ADA: variants seen among roughly 807,000 people sequenced by gnomAD.
The protein encoded by ADA is adenosine aminohydrolase.
A neutral mutation model predicts 49.0 loss-of-function variants in ADA; 45 were observed. That is an observed-to-expected ratio of 0.92 (90% CI 0.72 to 1.18). The LOEUF (loss-of-function observed/expected upper bound fraction) is 1.18, where lower values mean the gene tolerates loss of function less well. Among genes scored for constraint, ADA ranks in the 50% most tolerant of loss-of-function variants. The probability of loss-of-function intolerance (pLI) is 0.00; values close to 1 mark genes in which losing one functional copy is unlikely to be tolerated. For synonymous variants in ADA, 173 were observed against 184.2 expected (o/e 0.94, Z 0.49); for missense variants, 445 against 472.5 (o/e 0.94, Z 0.54).
In ADA at chr20:44,623,076, C is replaced by A. The variant is rs758254007; in HGVS notation, c.609G>T (p.Glu203Asp). The A allele has an allele frequency of 6.2e-7, 1 of 1,614,096 alleles. No individual in the cohort carries two copies. Among genetic ancestry groups the A allele is most frequent in the South Asian group, 1.1e-5 (1 of 91,078 alleles). ...TACGGTGAATGCCGCTCTTCACAGCCTCCTGGAAGGGGGAGAGCCAGGTCA... is the reference window on the plus strand; with the variant it reads ...TACGGTGAATGCCGCTCTTCACAGCATCCTGGAAGGGGGAGAGCCAGGTCA... ...LLPGHVQAYQ[E>D]AVKSGIHRTV... Residue 203 changes from glutamate (E) to aspartate (D), a missense_variant and splice_region_variant, in exon 7 of 12, where the codon GAG becomes GAT. By Grantham distance (45) the Glu-to-Asp change is conservative (BLOSUM62 2). Coordinates refer to ENST00000372874, the MANE Select transcript of ADA (RefSeq NM_000022.4).
intron 1 of ADA, among the ~76,000 whole-genome samples, chr20:44,643,965 AGT>A (rs1428500304): frequency 6.6e-6 from 1 of 151,644 alleles, no homozygotes; most frequent in Non-Finnish European, 1.5e-5. Flanking sequence ...AAGGTCACTC[AGT>A]GTGTCGGTGG....
chr20:44,634,156 T>C (rs1196964253), intron 2 of ADA, among the ~76,000 whole-genome samples: 1 of 152,170 alleles, frequency 6.6e-6, no homozygotes, highest in African/African-American at 2.4e-5. Context: ...TGATGAGCCC[T>C]CCGTGACCCC....
rs1483357783 is a variant in ADA at position 44,629,124 on chromosome 20, C to T, written c.141G>A (p.Leu47=). 2.5e-6 allele frequency: 4 copies of T among 1,614,194 alleles called. No individual in the cohort carries two copies. Among genetic ancestry groups the T allele is most frequent in the African/African-American group, 1.3e-5 (1 of 75,048 alleles). The change falls in exon 3 of 12, where the codon CTG becomes CTA. Residue 47 remains leucine, a synonymous_variant. Coordinates refer to ENST00000372874, the MANE Select transcript of ADA (RefSeq NM_000022.4). ...GCGGCTTGTCCATGCCAATGACGTT[C>T]AGCAGCCCCTCTGCTGTGTTAGCTG... ...ALPANTAEGL[L]NVIGMDKPLT...
At chr20:44,626,886 T>G (rs79910820) in intron 3 of ADA, among the ~76,000 whole-genome samples, 1 of 152,134 alleles carries the variant, frequency 6.6e-6, no homozygotes, top group African/African-American at 2.4e-5. Context: ...ACCCAGCAGT[T>G]GGGGCAATCT....
In ADA at chr20:44,629,167, C is replaced by T. The variant is rs773388108; in HGVS notation, c.98G>A (p.Arg33Lys). Reference sequence around the variant, plus strand: ...GTTAGCTGGGAGGGCGATCCCTCTCCTCCTGGAAACAAAACAGTGAGTGGT... The same window carrying T: ...GTTAGCTGGGAGGGCGATCCCTCTCTTCCTGGAAACAAAACAGTGAGTGGT... ...KPETILYYGR[R>K]RGIALPANTA... Residue 33 changes from arginine (R) to lysine (K), a missense_variant and splice_region_variant, in exon 3 of 12, where the codon AGG (arginine) becomes AAG (lysine). Arg to Lys is a conservative substitution (Grantham distance 26). Coordinates refer to ENST00000372874, the MANE Select transcript of ADA (RefSeq NM_000022.4). The T allele has an allele frequency of 1.2e-5, 19 of 1,614,204 alleles. No individual in the cohort carries two copies. The South Asian group carries it at 2.0e-4, about 17-fold the overall frequency.
chr20:44,641,276 A>C (rs2065531321), intron 1 of ADA, among the ~76,000 whole-genome samples: 1 of 152,044 alleles, frequency 6.6e-6, no homozygotes, highest in African/African-American at 2.4e-5. Context: ...CAGGTGGAGG[A>C]CTTTTTTTAA....
chr20:44,623,605 C>A (rs2065352782), intron 6 of ADA, among the ~76,000 whole-genome samples: 1 of 151,728 alleles, frequency 6.6e-6, no homozygotes, highest in African/African-American at 2.4e-5. Flanking sequence ...CAGAAGCAGG[C>A]TCAGCACAGG....
Position 44,651,431 on chromosome 20 carries a change from C to T in ADA, c.33+144G>A, listed in dbSNP as rs766346778. Reference sequence around the variant, plus strand: ...TGTCCCTGATTAGCCCGCAAGCAAGCCACGGCCTAAGCCGAAGGAAGAACT... The same window carrying T: ...TGTCCCTGATTAGCCCGCAAGCAAGTCACGGCCTAAGCCGAAGGAAGAACT... On this transcript the variant is annotated intron_variant, in intron 1 of 11. Coordinates refer to ENST00000372874, the MANE Select transcript of ADA (RefSeq NM_000022.4). 208 of 849,476 alleles carry T rather than the reference C, an allele frequency of 2.4e-4. No homozygotes were observed. The South Asian group carries it at 3.1e-3, about 13-fold the overall frequency. The allele number at this position is 849,476 out of a possible 1,614,324, so 52.6% of individuals were successfully genotyped here.
At chr20:44,620,046 G>T (rs1052680516) in intron 11 of ADA, among the ~76,000 whole-genome samples, 199 bp from the exon 12 acceptor site, 36 of 152,224 alleles carry the variant, frequency 2.4e-4, no homozygotes, top group African/African-American at 8.4e-4. Context: ...CAGCCATGGA[G>T]GTGTCCCCAA....
chr20:44,646,830 A>G (rs1374972801), intron 1 of ADA, among the ~76,000 whole-genome samples: 1 of 151,768 alleles, frequency 6.6e-6, no homozygotes, highest in East Asian at 1.9e-4. Context: ...GGAATTGGCA[A>G]ATGAGCAAAG....
chr20:44,639,561 C>T (rs1247472694), intron 1 of ADA, among the ~76,000 whole-genome samples: 5 of 152,032 alleles, frequency 3.3e-5, no homozygotes, highest in African/African-American at 1.2e-4. Flanking sequence ...TACAGGCACC[C>T]ACCACCATGC....
rs779530705 is a variant in ADA, at chr20:44,620,344, C to T, written c.1033G>A (p.Asp345Asn). Residue 345 changes from aspartate to asparagine, a missense_variant, in exon 11 of 12, where the codon GAC becomes AAC. Physicochemically the swap from Asp to Asn is conservative, Grantham distance 23. Transcript: ENST00000372874. Reference protein sequence around the residue: ...LPEDEKRELLDLLYKAYGMPP... With the variant: ...LPEDEKRELLNLLYKAYGMPP... ...ATCCCATAGGCTTTATAGAGCAGGTCGAGAAGCTCCCTCTTTTCATCTTCT... is the reference window on the plus strand; with the variant it reads ...ATCCCATAGGCTTTATAGAGCAGGTTGAGAAGCTCCCTCTTTTCATCTTCT... The T allele has an allele frequency of 1.9e-6, 3 of 1,614,168 alleles. No homozygotes were observed. The highest frequency in any genetic ancestry group is 1.1e-5 in the South Asian group (1 of 91,078).
Position 44,623,085 on chromosome 20 carries a change from G to A in ADA, c.607-7C>T, listed in dbSNP as rs779676480. ...TGCCGCTCTTCACAGCCTCCTGGAA[G>A]GGGGAGAGCCAGGTCATGGGTGCCC... On this transcript the variant is annotated splice_polypyrimidine_tract_variant and splice_region_variant and intron_variant, in intron 6 of 11. Transcript: ENST00000372874. 1 of 1,613,992 alleles carries A rather than the reference G, an allele frequency of 6.2e-7. No homozygotes were observed. The highest frequency in any genetic ancestry group is 1.7e-4 in the Middle Eastern group (1 of 5,976).
intron 1 of ADA, 57 bp downstream of exon 1, chr20:44,651,518 C>A (rs2065645560): frequency 6.7e-6 from 10 of 1,501,920 alleles, no homozygotes; most frequent in Non-Finnish European, 8.9e-6. Context: ...CCCCGCTAAG[C>A]CCCTCGGGCC....
chr20:44,628,174 A>G (rs1219062791), intron 3 of ADA, among the ~76,000 whole-genome samples: 1 of 152,196 alleles, frequency 6.6e-6, no homozygotes, highest in Non-Finnish European at 1.5e-5. Flanking sequence ...TGCCCTGCCC[A>G]GGGGAGATCA....
At chr20:44,622,272 T>C (rs2065339210) in intron 9 of ADA, among the ~76,000 whole-genome samples, 1 of 152,250 alleles carries the variant, frequency 6.6e-6, no homozygotes, top group African/African-American at 2.4e-5. Flanking sequence ...TCCTATGCGA[T>C]GCCCAGGGGG....
Position 44,651,626 on chromosome 20 carries a change from G to T in ADA, c.-19C>A. 1 of 1,514,522 alleles carries T rather than the reference G, an allele frequency of 6.6e-7. No homozygotes were observed. Among genetic ancestry groups the T allele is most frequent in the Non-Finnish European group, 8.8e-7 (1 of 1,139,144 alleles). The allele number at this position is 1,514,522 out of a possible 1,614,324, so 93.8% of individuals were successfully genotyped here. A position where few individuals can be genotyped will look rare whatever the true frequency, so the allele number is the denominator to read the frequency against. ...GGGCCATGGTGCCCTCGTGCGCCCC[G>T]GCGCTGCTCCCTCCGCCGCCGCTCG... is the stretch of plus-strand genomic sequence containing the variant. On this transcript the variant is annotated 5_prime_UTR_variant, in exon 1 of 12. Transcript: ENST00000372874.
rs2065324675 is a variant in ADA, at chr20:44,620,946, G to A, written c.975+72C>T. 5 of 1,601,924 alleles carry A rather than the reference G, an allele frequency of 3.1e-6. No individual in the cohort carries two copies. The Admixed American group carries it at 8.3e-5, about 27-fold the overall frequency. On this transcript the variant is annotated intron_variant, in intron 10 of 11. Transcript: ENST00000372874. ...CACTCCCTCTCTCCAAAGATTCCAGGCCCCGGACTGGACCTGTAGATACCA... is the reference window on the plus strand; with the variant it reads ...CACTCCCTCTCTCCAAAGATTCCAGACCCCGGACTGGACCTGTAGATACCA...
intron 11 of ADA, 106 bp downstream of exon 11, chr20:44,620,193 T>A (rs752435784): frequency 2.0e-4 from 207 of 1,029,240 alleles, no homozygotes; most frequent in Non-Finnish European, 2.8e-4. Flanking sequence ...CATCACACAT[T>A]CATGGCGCTG....
Sources: allele counts gnomAD v4.1 joint callset (sites outside exome capture counted in the v4.1 genomes callset), GRCh38; gene constraint gnomAD v4.1.1; transcripts MANE v1.5; gene names NCBI Gene and HGNC (gene_info 2026-07-23, HGNC 2026-07-21).